Variants in TMEM132D observed in about 807,000 individuals in gnomAD.
TMEM132D encodes the protein transmembrane protein 132D, also known as mature OL transmembrane protein.
TMEM132D carries 21 observed loss-of-function variants against 62.3 expected under a neutral mutation model. The observed-to-expected ratio is 0.34, with a 90% CI of 0.24 to 0.49. TMEM132D has a LOEUF of 0.49. Ranked by LOEUF, TMEM132D falls within the 20% of genes least tolerant of loss-of-function variation. TMEM132D has a pLI of 0.99. For synonymous variants in TMEM132D, 621 were observed against 575.6 expected (o/e 1.08, Z -1.13); for missense variants, 1,346 against 1,402.8 (o/e 0.96, Z 0.65).
chr12:129,165,013 C>T (rs1004821717), intron 5 of TMEM132D, among the ~76,000 whole-genome samples: 1 of 152,166 alleles, frequency 6.6e-6, no homozygotes, highest in Non-Finnish European at 1.5e-5. Flanking sequence ...ATGGTATATT[C>T]ATACATGGGA....
chr12:129,877,602 C>T (rs547755964), intron 1 of TMEM132D, among the ~76,000 whole-genome samples: 1 of 83,048 alleles, frequency 1.2e-5, no homozygotes, highest in Non-Finnish European at 2.8e-5. Context: ...ATTAACCAAA[C>T]GCGCGCGCGC....
chr12:129,560,990 A>G (rs763338946), intron 2 of TMEM132D, among the ~76,000 whole-genome samples: 1 of 152,222 alleles, frequency 6.6e-6, no homozygotes, highest in Non-Finnish European at 1.5e-5. Context: ...ATATTAGTGA[A>G]TGGTGGCAAC....
At chr12:129,294,591 G>C (rs953244012) in intron 4 of TMEM132D, among the ~76,000 whole-genome samples, 4 of 152,112 alleles carry the variant, frequency 2.6e-5, no homozygotes, top group Non-Finnish European at 5.9e-5. Flanking sequence ...TGGATGCAAG[G>C]GCTAAGAGAG....
intron 2 of TMEM132D, among the ~76,000 whole-genome samples, chr12:129,625,001 A>C (rs1326477469): frequency 6.6e-6 from 1 of 152,128 alleles, no homozygotes; most frequent in Non-Finnish European, 1.5e-5. Context: ...ACCTCACAAC[A>C]CTCAACATTA....
intron 2 of TMEM132D, among the ~76,000 whole-genome samples, chr12:129,591,407 A>G (rs1165333307): frequency 1.2e-4 from 18 of 152,244 alleles, no homozygotes; most frequent in Admixed American, 1.0e-3. Flanking sequence ...GAAGGCTTCA[A>G]GAAGAATGAA....
intron 1 of TMEM132D, among the ~76,000 whole-genome samples, chr12:129,751,446 G>A (rs1198205830): frequency 1.3e-5 from 2 of 152,152 alleles, no homozygotes; most frequent in Non-Finnish European, 1.5e-5. Flanking sequence ...ATTACAATTT[G>A]TGATGAGATT....
At chr12:129,608,094 T>C (rs957402994) in intron 2 of TMEM132D, among the ~76,000 whole-genome samples, 2 of 152,188 alleles carry the variant, frequency 1.3e-5, no homozygotes, top group African/African-American at 2.4e-5. Context: ...CACAAACCCC[T>C]GGCTTTTAAA....
intron 2 of TMEM132D, among the ~76,000 whole-genome samples, chr12:129,589,206 C>A (rs1404248064): frequency 6.6e-6 from 1 of 152,130 alleles, no homozygotes; most frequent in Non-Finnish European, 1.5e-5. Flanking sequence ...TTACCCCATA[C>A]TGTTCTCATT....
chr12:129,780,075 A>G (rs1368781374), intron 1 of TMEM132D, among the ~76,000 whole-genome samples: 1 of 152,068 alleles, frequency 6.6e-6, no homozygotes, highest in African/African-American at 2.4e-5. Context: ...CAGACTTCTT[A>G]GCTTCAACTA....
chr12:129,831,863 TTTCTTTCTTTTTC>T, intron 1 of TMEM132D, among the ~76,000 whole-genome samples: 1 of 111,430 alleles, frequency 9.0e-6, no homozygotes, highest in Non-Finnish European at 1.9e-5. Context: ...TTTCTTTTTC[TTTCTTTCTTTTTC>T]TTTTTTTTTT....
chr12:129,762,825 G>T (rs924115960), intron 1 of TMEM132D, among the ~76,000 whole-genome samples: 1 of 152,134 alleles, frequency 6.6e-6, no homozygotes. Context: ...AGCTGAAAAA[G>T]CTGTCTAATA....
chr12:129,181,456 G>A (rs1878062212), intron 5 of TMEM132D, among the ~76,000 whole-genome samples: 1 of 152,168 alleles, frequency 6.6e-6, no homozygotes. Context: ...TTTCTGAAAT[G>A]AAACTCTGAA....
At chr12:129,325,009 A>G (rs569403175) in intron 4 of TMEM132D, among the ~76,000 whole-genome samples, 5 of 152,278 alleles carry the variant, frequency 3.3e-5, no homozygotes, top group African/African-American at 9.6e-5. Flanking sequence ...CACCCTGTGA[A>G]GTAGAGGCAC....
intron 2 of TMEM132D, among the ~76,000 whole-genome samples, chr12:129,671,898 A>T (rs1880509101): frequency 6.6e-6 from 1 of 152,208 alleles, no homozygotes; most frequent in South Asian, 2.1e-4. Flanking sequence ...AGCCTGAGGT[A>T]CACAGCAGCA....
At chr12:129,180,542 G>A (rs148273874) in intron 5 of TMEM132D, among the ~76,000 whole-genome samples, 2 of 152,336 alleles carry the variant, frequency 1.3e-5, no homozygotes, top group Non-Finnish European at 2.9e-5. Context: ...GACAGACACA[G>A]TCCTTGCTTT....
chr12:129,427,298 G>A (rs1019416960), intron 3 of TMEM132D, among the ~76,000 whole-genome samples: 1 of 151,726 alleles, frequency 6.6e-6, no homozygotes, highest in African/African-American at 2.4e-5. Flanking sequence ...GAAGTCCAAT[G>A]CTAAGGACGC....
intron 1 of TMEM132D, among the ~76,000 whole-genome samples, chr12:129,739,732 T>C (rs1262970962): frequency 6.6e-6 from 1 of 152,192 alleles, no homozygotes; most frequent in Admixed American, 6.5e-5. Context: ...CCTCATCCTC[T>C]GGCTTCTGGC....
At chr12:129,715,190 G>C (rs898717968) in intron 1 of TMEM132D, among the ~76,000 whole-genome samples, 2 of 152,148 alleles carry the variant, frequency 1.3e-5, no homozygotes, top group Non-Finnish European at 2.9e-5. Context: ...ATATGCCATA[G>C]TTCCTGAACA....
chr12:129,393,198 T>C (rs987926534), intron 3 of TMEM132D, among the ~76,000 whole-genome samples: 2 of 152,258 alleles, frequency 1.3e-5, no homozygotes, highest in African/African-American at 4.8e-5. Context: ...AATTTCTGAT[T>C]TGAAGGCAAG....
Sources: allele counts gnomAD v4.1 joint callset (sites outside exome capture counted in the v4.1 genomes callset), GRCh38; gene constraint gnomAD v4.1.1; transcripts MANE v1.5; gene names NCBI Gene and HGNC (gene_info 2026-07-23, HGNC 2026-07-21).